Variants in SPPL3 observed in about 807,000 individuals in gnomAD.
SPPL3 encodes signal peptide peptidase-like 3.
Under a neutral mutation model 42.4 loss-of-function variants are expected in SPPL3, and 5 were observed. The ratio of observed to expected loss-of-function variants is 0.12; its 90% confidence interval spans 0.06 to 0.25. The LOEUF (loss-of-function observed/expected upper bound fraction) is 0.25, where lower values mean the gene tolerates loss of function less well. Among genes scored for constraint, SPPL3 ranks in the 10% least tolerant of loss-of-function variants. The pLI, the probability that SPPL3 is intolerant of heterozygous loss-of-function variation, is 1.00. For synonymous variants in SPPL3, 195 were observed against 181.8 expected (o/e 1.07, Z -0.58); for missense variants, 235 against 489.0 (o/e 0.48, Z 4.90).
Position 120,904,259 on chromosome 12 carries a change from G to T in SPPL3, c.-392C>A. ...GGAGCGCCGCGCTCGGGCGGCGGCG[G>T]CGGCGGCCGGGGGACATGGCCGGCG... On this transcript the variant is annotated 5_prime_UTR_variant, in exon 1 of 11. Transcript: ENST00000353487. 1 of 173,432 alleles carries T rather than the reference G, an allele frequency of 5.8e-6. No homozygotes were observed. Among genetic ancestry groups the T allele is most frequent in the Non-Finnish European group, 1.2e-5 (1 of 83,692 alleles). The allele number at this position is 173,432 out of a possible 1,614,324, so 10.7% of individuals were successfully genotyped here.
intron 6 of SPPL3, among the ~76,000 whole-genome samples, chr12:120,782,278 T>C (rs1869570993): frequency 6.6e-6 from 1 of 152,082 alleles, no homozygotes; most frequent in South Asian, 2.1e-4. Flanking sequence ...AACGAATAAA[T>C]AAAATTAGTG....
At chr12:120,903,730 G>GCCCCCCCCCCCC in intron 1 of SPPL3, 115 bp downstream of exon 1, 1 of 283,086 alleles carries the variant, frequency 3.5e-6, no homozygotes. Context: ...ACCCCAACCC[G>GCCCCCCCCCCCC]CGCCCCCCCC....
intron 1 of SPPL3, among the ~76,000 whole-genome samples, chr12:120,834,463 A>T (rs1871540500): frequency 6.6e-6 from 1 of 152,120 alleles, no homozygotes; most frequent in African/African-American, 2.4e-5. Flanking sequence ...CAGAAGAGAG[A>T]TAGGCCATGA....
intron 1 of SPPL3, among the ~76,000 whole-genome samples, chr12:120,817,274 G>A (rs1870914787): frequency 6.6e-6 from 1 of 152,138 alleles, no homozygotes; most frequent in Non-Finnish European, 1.5e-5. Flanking sequence ...CAGCCTGGGT[G>A]ACAGAGCGAG....
At chr12:120,822,268 G>A (rs1871094653) in intron 1 of SPPL3, among the ~76,000 whole-genome samples, 1 of 152,166 alleles carries the variant, frequency 6.6e-6, no homozygotes, top group South Asian at 2.1e-4. Flanking sequence ...TGTATGTTAT[G>A]TATATTTTAC....
At chr12:120,781,577 T>TGAGACGGAGTC (rs1869546675) in intron 6 of SPPL3, among the ~76,000 whole-genome samples, 1 of 124,230 alleles carries the variant, frequency 8.0e-6, no homozygotes, top group Admixed American at 8.1e-5. Flanking sequence ...TTTTTTTTTT[T>TGAGACGGAGTC]TTTTTTTTTT....
intron 2 of SPPL3, among the ~76,000 whole-genome samples, chr12:120,801,453 T>G (rs1870294039): frequency 6.6e-6 from 1 of 152,144 alleles, no homozygotes; most frequent in Non-Finnish European, 1.5e-5. Flanking sequence ...TTATATTTTG[T>G]AAGACTTTTG....
intron 1 of SPPL3, among the ~76,000 whole-genome samples, chr12:120,899,088 CA>C (rs1873894086): frequency 6.6e-6 from 1 of 152,208 alleles, no homozygotes; most frequent in Admixed American, 6.5e-5. Flanking sequence ...CTAGTTAGCA[CA>C]TTCAATCTGT....
chr12:120,839,848 T>C (rs779964194), intron 1 of SPPL3, among the ~76,000 whole-genome samples: 1 of 151,600 alleles, frequency 6.6e-6, no homozygotes, highest in Admixed American at 6.6e-5. Flanking sequence ...TGTACACATA[T>C]ATAAAAAAAA....
intron 1 of SPPL3, among the ~76,000 whole-genome samples, chr12:120,843,325 C>T (rs1871894557): frequency 1.3e-5 from 2 of 152,236 alleles, no homozygotes; most frequent in African/African-American, 4.8e-5. Context: ...CTATAATCAC[C>T]GTCTCCTTCA....
chr12:120,788,933 A>G (rs190743628), intron 3 of SPPL3, among the ~76,000 whole-genome samples: 1 of 152,238 alleles, frequency 6.6e-6, no homozygotes, highest in Admixed American at 6.5e-5. Context: ...TGATAAATTC[A>G]TCCTGTTTTC....
At chr12:120,868,471 T>TC (rs1566065237) in intron 1 of SPPL3, among the ~76,000 whole-genome samples, 1 of 148,316 alleles carries the variant, frequency 6.7e-6, no homozygotes, top group Non-Finnish European at 1.5e-5. Flanking sequence ...TTTTTCTTTT[T>TC]TTTTGTTTTT....
chr12:120,790,652 C>A (rs940866595), intron 3 of SPPL3, among the ~76,000 whole-genome samples: 2 of 152,142 alleles, frequency 1.3e-5, no homozygotes, highest in Non-Finnish European at 2.9e-5. Flanking sequence ...ACCTGACTTG[C>A]GGGTCTCTTT....
At chr12:120,847,739 A>G (rs1377473798) in intron 1 of SPPL3, among the ~76,000 whole-genome samples, 2 of 152,066 alleles carry the variant, frequency 1.3e-5, no homozygotes, top group African/African-American at 4.8e-5. Flanking sequence ...CCTTGGTTTA[A>G]AGTAACCACT....
chr12:120,789,351 G>A (rs1453514879), intron 3 of SPPL3, among the ~76,000 whole-genome samples: 3 of 149,900 alleles, frequency 2.0e-5, no homozygotes, highest in Non-Finnish European at 4.4e-5. Flanking sequence ...CTACTCGGGA[G>A]GCAGAGGCAG....
At chr12:120,785,350 G>A (rs762277858) in intron 3 of SPPL3, among the ~76,000 whole-genome samples, 5 of 152,066 alleles carry the variant, frequency 3.3e-5, no homozygotes, top group South Asian at 4.1e-4. Context: ...AGGATTTAGC[G>A]CAAGGGTTCT....
At chr12:120,845,136 C>T in intron 1 of SPPL3, 2 of 438,506 alleles carry the variant, frequency 4.6e-6, no homozygotes, top group Non-Finnish European at 9.0e-6. Flanking sequence ...GCGGACTAGA[C>T]AGCCAGCCCA....
At chr12:120,876,640 G>GAAA (rs953157813) in intron 1 of SPPL3, among the ~76,000 whole-genome samples, 4 of 110,018 alleles carry the variant, frequency 3.6e-5, no homozygotes, top group Admixed American at 2.6e-4. Flanking sequence ...AAAAAAAGAA[G>GAAA]AAAGAAAATA....
intron 1 of SPPL3, among the ~76,000 whole-genome samples, chr12:120,858,586 C>T (rs1002323334): frequency 1.3e-5 from 2 of 151,546 alleles, no homozygotes; most frequent in Non-Finnish European, 2.9e-5. Flanking sequence ...AAAAGAAACA[C>T]AAGAATGAAC....
Sources: gnomAD v4.1 joint callset for allele counts (sites outside exome capture counted in the v4.1 genomes callset) on GRCh38, gnomAD v4.1.1 for gene constraint, MANE v1.5 for transcripts, NCBI Gene and HGNC (gene_info 2026-07-23, HGNC 2026-07-21) for gene names.